NRG3: variants seen among roughly 807,000 people sequenced by gnomAD.
The protein encoded by NRG3 is neuregulin 3, also known as pro-neuregulin-3, membrane-bound isoform.
In NRG3, 31 loss-of-function variants were observed where a neutral mutation model predicts 66.9. That is an observed-to-expected ratio of 0.46 (90% CI 0.35 to 0.63). NRG3 has a LOEUF of 0.63. Among genes scored for constraint, NRG3 ranks in the 20% least tolerant of loss-of-function variants. The pLI is 0.00. For missense variants in NRG3, 910 were observed against 878.9 expected, an observed-to-expected ratio of 1.04 and a Z score of -0.45; for synonymous variants, 393 against 359.4, an observed-to-expected ratio of 1.09 and a Z score of -1.06.
intron 1 of NRG3, among the ~76,000 whole-genome samples, chr10:82,257,545 G>T (rs999409822): frequency 1.3e-5 from 2 of 152,172 alleles, no homozygotes; most frequent in African/African-American, 2.4e-5. Flanking sequence ...TGAGGCAGGT[G>T]AATCACCTGA....
chr10:82,928,804 G>A (rs1312744103), intron 4 of NRG3, among the ~76,000 whole-genome samples: 1 of 152,094 alleles, frequency 6.6e-6, no homozygotes, highest in Non-Finnish European at 1.5e-5. Context: ...TGTAATCTGT[G>A]GAGCCTGATC....
chr10:82,743,723 A>G (rs572932151), intron 3 of NRG3, among the ~76,000 whole-genome samples: 1 of 152,048 alleles, frequency 6.6e-6, no homozygotes, highest in Non-Finnish European at 1.5e-5. Flanking sequence ...GGAAAAAAAA[A>G]TTGAGAACAG....
At chr10:82,616,762 T>C (rs2048679578) in intron 2 of NRG3, among the ~76,000 whole-genome samples, 1 of 152,200 alleles carries the variant, frequency 6.6e-6, no homozygotes, top group African/African-American at 2.4e-5. Flanking sequence ...ATTCTGTACC[T>C]TATGTCTCTT....
At chr10:82,280,242 CATT>C (rs1398810381) in intron 1 of NRG3, among the ~76,000 whole-genome samples, 2 of 152,082 alleles carry the variant, frequency 1.3e-5, no homozygotes, top group Non-Finnish European at 2.9e-5. Flanking sequence ...ATAACACTAA[CATT>C]ATAGAGTGAT....
chr10:82,879,861 G>T (rs1222279731), intron 4 of NRG3, among the ~76,000 whole-genome samples: 2 of 151,632 alleles, frequency 1.3e-5, no homozygotes, highest in African/African-American at 4.8e-5. Flanking sequence ...TTTCCAACAG[G>T]ATTGGAACAC....
At chr10:82,804,807 C>A (rs1390682628) in intron 3 of NRG3, among the ~76,000 whole-genome samples, 3 of 152,122 alleles carry the variant, frequency 2.0e-5, no homozygotes, top group Admixed American at 6.5e-5. Context: ...ATTTTCAGAG[C>A]CACAGAATTT....
At chr10:82,964,761 T>C (rs966077797) in intron 6 of NRG3, among the ~76,000 whole-genome samples, 2 of 152,218 alleles carry the variant, frequency 1.3e-5, no homozygotes, top group East Asian at 3.9e-4. Flanking sequence ...ATCCTCCTCC[T>C]GCTTTTATTG....
At chr10:82,184,536 A>C (rs140049113) in intron 1 of NRG3, among the ~76,000 whole-genome samples, 1 of 152,276 alleles carries the variant, frequency 6.6e-6, no homozygotes, top group African/African-American at 2.4e-5. Flanking sequence ...AACAACTTGA[A>C]ATTTTTATTT....
intron 3 of NRG3, among the ~76,000 whole-genome samples, chr10:82,862,060 A>G (rs968741927): frequency 9.2e-5 from 14 of 152,330 alleles, no homozygotes; most frequent in African/African-American, 3.4e-4. Flanking sequence ...AAGTAAGGTT[A>G]GGACCCATAC....
At chr10:82,216,554 A>G (rs1206864432) in intron 1 of NRG3, among the ~76,000 whole-genome samples, 1 of 148,480 alleles carries the variant, frequency 6.7e-6, no homozygotes, top group Non-Finnish European at 1.5e-5. Flanking sequence ...ATATGTATAC[A>G]TATGTATGTA....
intron 1 of NRG3, among the ~76,000 whole-genome samples, chr10:82,040,819 G>C (rs930870082): frequency 2.0e-5 from 3 of 152,028 alleles, no homozygotes; most frequent in Admixed American, 2.0e-4. Context: ...CCCTGCCCCA[G>C]TATATGTCAG....
chr10:82,771,495 G>T (rs559416176), intron 3 of NRG3, among the ~76,000 whole-genome samples: 1 of 152,212 alleles, frequency 6.6e-6, no homozygotes, highest in South Asian at 2.1e-4. Flanking sequence ...CTGTGGACTC[G>T]TGATGCCCCC....
intron 7 of NRG3, among the ~76,000 whole-genome samples, chr10:82,977,729 C>T (rs989305894): frequency 1.4e-4 from 22 of 151,998 alleles, no homozygotes; most frequent in African/African-American, 4.8e-4. Flanking sequence ...GATCAGTCAC[C>T]GTGCCACAAC....
chr10:82,563,735 A>AT (rs1413233980), intron 2 of NRG3, among the ~76,000 whole-genome samples: 1 of 151,976 alleles, frequency 6.6e-6, no homozygotes, highest in Admixed American at 6.6e-5. Flanking sequence ...CCTACTTATC[A>AT]TTTTTTGTGA....
chr10:82,125,072 C>A (rs1266162801), intron 1 of NRG3, among the ~76,000 whole-genome samples: 1 of 152,008 alleles, frequency 6.6e-6, no homozygotes, highest in Non-Finnish European at 1.5e-5. Context: ...CAAATCGCCT[C>A]ATTTTATTTA....
chr10:82,985,147 C>A lies in NRG3; in HGVS notation c.1633C>A (p.Gln545Lys). The A allele has an allele frequency of 1.2e-6, 2 of 1,613,922 alleles. No individual in the cohort carries two copies. Among genetic ancestry groups the A allele is most frequent in the East Asian group, 2.2e-5 (1 of 44,862 alleles). ...KTQRNTSINM[Q>K]LPSRETNPYF... ...CCAACGAAATACATCAATAAATATG[C>A]AACTGCCTTCAAGAGAGACAAACCC... is the stretch of plus-strand genomic sequence containing the variant. Residue 545 changes from glutamine (Q) to lysine (K), a missense_variant, in exon 9 of 9, where the codon CAA (glutamine) becomes AAA (lysine). Transcript: ENST00000372141.
chr10:82,920,677 C>A lies in NRG3; in HGVS notation c.1055-30792C>A, dbSNP rs149422804. On this transcript the variant is annotated intron_variant, in intron 4 of 8. Coordinates refer to ENST00000372141, the MANE Select transcript of NRG3 (RefSeq NM_001010848.4). ...TTCTAGGACTACAGCAGGGAATATA[C>A]AAGATGAGCTGGAGCAGCTTGCCAG... is the stretch of plus-strand genomic sequence containing the variant. Among the ~76,000 whole-genome samples the A allele has an allele frequency of 2.5e-3, 374 of 152,006 alleles. 2 individuals are homozygous for A. Among genetic ancestry groups the A allele is most frequent in the Middle Eastern group, 6.8e-3 (2 of 292 alleles).
chr10:82,434,987 T>C (rs748537259), intron 2 of NRG3, among the ~76,000 whole-genome samples: 4 of 152,142 alleles, frequency 2.6e-5, no homozygotes, highest in Non-Finnish European at 5.9e-5. Context: ...GTCTCTCCTT[T>C]TCAATTGTTT....
intron 2 of NRG3, among the ~76,000 whole-genome samples, chr10:82,724,371 C>T (rs1165315763): frequency 2.6e-5 from 4 of 152,136 alleles, no homozygotes; most frequent in Non-Finnish European, 4.4e-5. Context: ...TTATCCTCAG[C>T]AGTAAATCAT....
Sources: allele counts gnomAD v4.1 joint callset (sites outside exome capture counted in the v4.1 genomes callset), GRCh38; gene constraint gnomAD v4.1.1; transcripts MANE v1.5; gene names NCBI Gene and HGNC (gene_info 2026-07-23, HGNC 2026-07-21).